SSBP2: variants seen among roughly 807,000 people sequenced by gnomAD.
The protein encoded by SSBP2 is single-stranded DNA-binding protein 2.
In SSBP2, 17 loss-of-function variants were observed where a neutral mutation model predicts 61.8. That is an observed-to-expected ratio of 0.28 (90% CI 0.19 to 0.41). The LOEUF is 0.41. SSBP2 is among the 10% of genes least tolerant of loss of function. SSBP2 has a pLI of 1.00. For synonymous variants in SSBP2, 139 were observed against 141.3 expected (o/e 0.98, Z 0.12); for missense variants, 310 against 458.7 (o/e 0.68, Z 2.96).
At chr5:81,590,581 T>C (rs1028866234) in intron 4 of SSBP2, among the ~76,000 whole-genome samples, 1 of 152,096 alleles carries the variant, frequency 6.6e-6, no homozygotes, top group East Asian at 1.9e-4. Context: ...GAGCCAGAAA[T>C]GCAGGGGGAA....
chr5:81,476,083 T>C (rs1292989896), intron 6 of SSBP2, among the ~76,000 whole-genome samples: 1 of 152,096 alleles, frequency 6.6e-6, no homozygotes, highest in Non-Finnish European at 1.5e-5. Context: ...CTTTTCTTTC[T>C]CTCTATAAAT....
chr5:81,589,904 G>GC (rs1313108412), intron 4 of SSBP2, among the ~76,000 whole-genome samples: 3 of 152,030 alleles, frequency 2.0e-5, no homozygotes, highest in African/African-American at 7.2e-5. Context: ...CAAACTCACA[G>GC]CCCCCTTTAT....
In SSBP2 at chr5:81,469,451, C is replaced by T. The variant is rs550688222; in HGVS notation, c.571-2410G>A. On this transcript the variant is annotated intron_variant, in intron 8 of 16. Coordinates refer to ENST00000320672, the MANE Select transcript of SSBP2 (RefSeq NM_012446.5). ...CCTCTTTTCACTAGCTTCCATAGCC[C>T]TCAACGCTAACAGAATTACTTGCCT... Among the ~76,000 whole-genome samples the T allele has an allele frequency of 2.3e-4, 35 of 151,910 alleles. No individual in the cohort carries two copies. The East Asian group carries it at 6.0e-3, about 26-fold the overall frequency.
chr5:81,614,082 C>T (rs1471368706), intron 4 of SSBP2, among the ~76,000 whole-genome samples: 2 of 152,126 alleles, frequency 1.3e-5, no homozygotes, highest in African/African-American at 4.8e-5. Flanking sequence ...TTGCACAGGC[C>T]GGGCGCGGTG....
rs542990022 is a variant in SSBP2 at position 81,585,553 on chromosome 5, G to GTATA, written c.282+29916_282+29919dup. Among the ~76,000 whole-genome samples, 105 of 149,722 alleles carry GTATA rather than the reference G, an allele frequency of 7.0e-4. 2 individuals carry two copies. The highest frequency in any genetic ancestry group is 3.5e-3 in the Middle Eastern group (1 of 284). On this transcript the variant is annotated intron_variant, in intron 4 of 16. Transcript: ENST00000320672. ...TGCAATTGACAAAAATTGTGTGTGT[G>GTATA]TATATATATATATATATGGTTTACA...
intron 10 of SSBP2, 41 bp from the exon 11 acceptor site, chr5:81,448,866 G>C (rs1272527858): frequency 6.7e-7 from 1 of 1,483,714 alleles, no homozygotes; most frequent in Admixed American, 1.7e-5. Flanking sequence ...GATTCATGTA[G>C]CAATATGGAC....
At chr5:81,459,525 T>A (rs1764397101) in intron 10 of SSBP2, among the ~76,000 whole-genome samples, 1 of 152,154 alleles carries the variant, frequency 6.6e-6, no homozygotes, top group Non-Finnish European at 1.5e-5. Flanking sequence ...GTTTTTGTGC[T>A]TCTAGGTGGG....
At chr5:81,426,239 T>C (rs1245088137) in intron 16 of SSBP2, among the ~76,000 whole-genome samples, 1 of 152,316 alleles carries the variant, frequency 6.6e-6, no homozygotes, top group South Asian at 2.1e-4. Context: ...CAAAAATGTA[T>C]AGTAATATGA....
At chr5:81,643,898 T>A (rs76411591) in intron 2 of SSBP2, among the ~76,000 whole-genome samples, 4,724 of 152,212 alleles carry the variant, frequency 0.031, 246 homozygotes, top group African/African-American at 0.11. Context: ...CCACCGCGCC[T>A]GGCCCAAATT....
intron 1 of SSBP2, among the ~76,000 whole-genome samples, chr5:81,721,501 A>G (rs1755541586): frequency 2.0e-5 from 3 of 152,144 alleles, no homozygotes; most frequent in Non-Finnish European, 4.4e-5. Flanking sequence ...ACCAAGTCCT[A>G]TACACAAACC....
intron 4 of SSBP2, among the ~76,000 whole-genome samples, chr5:81,570,396 C>T (rs1773746006): frequency 6.6e-6 from 1 of 152,148 alleles, no homozygotes. Flanking sequence ...TGAAATCACA[C>T]AAATTATAGA....
At chr5:81,629,013 G>T (rs1047916022) in intron 3 of SSBP2, among the ~76,000 whole-genome samples, 3 of 151,616 alleles carry the variant, frequency 2.0e-5, no homozygotes, top group Admixed American at 1.3e-4. Context: ...TTGAGACAAG[G>T]TCTTGCTCTG....
chr5:81,647,604 T>C (rs1319879164), intron 2 of SSBP2, among the ~76,000 whole-genome samples: 1 of 152,130 alleles, frequency 6.6e-6, no homozygotes, highest in African/African-American at 2.4e-5. Context: ...CATACACTTA[T>C]CTCCAAAGTC....
At chr5:81,609,039 A>T in intron 4 of SSBP2, among the ~76,000 whole-genome samples, 1 of 152,184 alleles carries the variant, frequency 6.6e-6, no homozygotes, top group South Asian at 2.1e-4. Context: ...AGGAGAACTG[A>T]AATGCTTTGG....
intron 4 of SSBP2, among the ~76,000 whole-genome samples, chr5:81,521,850 T>C (rs950805356): frequency 1.3e-5 from 2 of 151,984 alleles, no homozygotes; most frequent in Non-Finnish European, 2.9e-5. Context: ...GCAAATGTTA[T>C]TAACAACTAG....
At chr5:81,640,869 TAAG>T (rs1289673148) in intron 2 of SSBP2, among the ~76,000 whole-genome samples, 1 of 152,154 alleles carries the variant, frequency 6.6e-6, no homozygotes, top group African/African-American at 2.4e-5. Context: ...TGAAAGAACA[TAAG>T]AATAAATAAA....
At chr5:81,546,964 T>C (rs1771774624) in intron 4 of SSBP2, among the ~76,000 whole-genome samples, 1 of 143,408 alleles carries the variant, frequency 7.0e-6, no homozygotes, top group Non-Finnish European at 1.5e-5. Context: ...AGAACAATGA[T>C]TGTTAAAAGT....
intron 4 of SSBP2, among the ~76,000 whole-genome samples, chr5:81,583,499 A>G (rs541173244): frequency 2.8e-4 from 42 of 152,080 alleles, no homozygotes; most frequent in South Asian, 8.3e-4. Flanking sequence ...GCATGGTGGC[A>G]GGCGCCTGTA....
intron 4 of SSBP2, among the ~76,000 whole-genome samples, chr5:81,583,397 A>G (rs1016813595): frequency 1.3e-5 from 2 of 152,102 alleles, no homozygotes; most frequent in Admixed American, 6.5e-5. Flanking sequence ...TGGGAGGCCA[A>G]GGCGGGCAGA....
Sources: gnomAD v4.1 joint callset for allele counts (sites outside exome capture counted in the v4.1 genomes callset) on GRCh38, gnomAD v4.1.1 for gene constraint, MANE v1.5 for transcripts, NCBI Gene and HGNC (gene_info 2026-07-23, HGNC 2026-07-21) for gene names.